PSD3: variants seen among roughly 807,000 people sequenced by gnomAD.
The protein encoded by PSD3 is PH and SEC7 domain-containing protein 3.
In PSD3, 49 loss-of-function variants were observed where a neutral mutation model predicts 105.5. That is an observed-to-expected ratio of 0.46 (90% CI 0.37 to 0.59). The LOEUF is 0.59. Among genes scored for constraint, PSD3 ranks in the 20% least tolerant of loss-of-function variants. PSD3 has a pLI of 0.00. For synonymous variants in PSD3, 557 were observed against 457.8 expected, an observed-to-expected ratio of 1.22 and a Z score of -2.77; for missense variants, 1,561 against 1,263.8, an observed-to-expected ratio of 1.24 and a Z score of -3.57.
chr8:18,548,072 G>A (rs1342297697), intron 15 of PSD3, among the ~76,000 whole-genome samples: 1 of 151,828 alleles, frequency 6.6e-6, no homozygotes, highest in Non-Finnish European at 1.5e-5. Flanking sequence ...TCTTTCTTCT[G>A]CATAAGAAAG....
At chr8:18,638,620 G>A (rs1373027559) in intron 10 of PSD3, among the ~76,000 whole-genome samples, 1 of 151,826 alleles carries the variant, frequency 6.6e-6, no homozygotes, top group Non-Finnish European at 1.5e-5. Flanking sequence ...GTAAAACATT[G>A]AAAAATTCAC....
chr8:18,768,158 C>T (rs1432806614), intron 8 of PSD3, among the ~76,000 whole-genome samples: 3 of 147,094 alleles, frequency 2.0e-5, no homozygotes, highest in Admixed American at 6.8e-5. Context: ...TCATGGCGGG[C>T]GCCTGTAATC....
At chr8:19,054,135 G>A (rs755693052) in intron 1 of PSD3, among the ~76,000 whole-genome samples, 23 of 152,256 alleles carry the variant, frequency 1.5e-4, no homozygotes, top group Non-Finnish European at 2.2e-4. Context: ...TTCTCCTGCC[G>A]CGGGCTTGTT....
At chr8:19,060,082 A>C (rs1828845213) in intron 1 of PSD3, among the ~76,000 whole-genome samples, 3 of 152,238 alleles carry the variant, frequency 2.0e-5, no homozygotes, top group African/African-American at 7.2e-5. Context: ...TTATGTAGGA[A>C]GGGCCCTAAC....
chr8:18,541,819 C>T (rs983898593), intron 15 of PSD3, among the ~76,000 whole-genome samples: 4 of 150,958 alleles, frequency 2.6e-5, no homozygotes, highest in Non-Finnish European at 2.9e-5. Context: ...GGGGCGATCT[C>T]GGCTCACTGC....
chr8:18,918,731 T>C (rs577462291), intron 2 of PSD3, among the ~76,000 whole-genome samples: 6 of 152,292 alleles, frequency 3.9e-5, no homozygotes, highest in African/African-American at 1.4e-4. Context: ...TTTCCAGCTA[T>C]GCAACACAGC....
chr8:18,797,511 G>T (rs1586031392), intron 8 of PSD3, among the ~76,000 whole-genome samples: 1 of 152,124 alleles, frequency 6.6e-6, no homozygotes, highest in Non-Finnish European at 1.5e-5. Flanking sequence ...TAGATTTGCA[G>T]CTCTAAACCT....
chr8:18,752,508 A>ATAATATATG lies in PSD3; in HGVS notation c.2172+12932_2172+12940dup, dbSNP rs1805596698. On this transcript the variant is annotated intron_variant, in intron 9 of 15. Coordinates refer to ENST00000327040, the MANE Select transcript of PSD3 (RefSeq NM_015310.4). ...TATATATATAATATATATAATATAT[A>ATAATATATG]TAATATATGTAATATATATAATTAT... is the stretch of plus-strand genomic sequence containing the variant. 4.2e-5 allele frequency among the ~76,000 whole-genome samples: 3 copies of ATAATATATG among 71,082 alleles called. No individual in the cohort carries two copies. In the Admixed American group the frequency reaches 6.3e-4, roughly 15 times the overall value. 46.6% of individuals were successfully genotyped at this position (71,082 alleles called of 152,430 possible).
In PSD3 at chr8:18,929,159, T is replaced by C. The variant is rs969849318; in HGVS notation, c.130+6875A>G. Among the ~76,000 whole-genome samples the C allele has an allele frequency of 2.6e-5, 4 of 152,158 alleles. No individual in the cohort carries two copies. The East Asian group carries it at 7.7e-4, about 29-fold the overall frequency. ...AAGTATTCAGCCTTCTGGGTCACTATGGCAGACAAGGATACAGATTTGTTT... is the reference window on the plus strand; with the variant it reads ...AAGTATTCAGCCTTCTGGGTCACTACGGCAGACAAGGATACAGATTTGTTT... On this transcript the variant is annotated intron_variant, in intron 2 of 15. Coordinates refer to ENST00000327040, the MANE Select transcript of PSD3 (RefSeq NM_015310.4).
intron 4 of PSD3, among the ~76,000 whole-genome samples, chr8:18,818,886 G>A (rs1812450535): frequency 6.6e-6 from 1 of 151,998 alleles, no homozygotes; most frequent in Non-Finnish European, 1.5e-5. Context: ...GATAAATGGG[G>A]GCAGGTGGGT....
intron 1 of PSD3, among the ~76,000 whole-genome samples, chr8:18,975,013 G>T (rs1029051438): frequency 1.3e-5 from 2 of 152,166 alleles, no homozygotes; most frequent in Non-Finnish European, 2.9e-5. Flanking sequence ...AAGTACCAGA[G>T]TATGAAAAGA....
At chr8:18,688,060 C>T (rs962893151) in intron 9 of PSD3, among the ~76,000 whole-genome samples, 4 of 152,078 alleles carry the variant, frequency 2.6e-5, no homozygotes, top group South Asian at 4.2e-4. Context: ...TGAGCCACTA[C>T]GCTTGGTCTA....
chr8:19,066,448 T>C (rs1829077940), intron 1 of PSD3, among the ~76,000 whole-genome samples: 1 of 152,172 alleles, frequency 6.6e-6, no homozygotes, highest in South Asian at 2.1e-4. Flanking sequence ...GAGCAGAGGG[T>C]CAACCAATAA....
chr8:18,917,577 T>C (rs1404844814), intron 2 of PSD3, among the ~76,000 whole-genome samples: 6 of 152,212 alleles, frequency 3.9e-5, no homozygotes, highest in Non-Finnish European at 8.8e-5. Flanking sequence ...TTAGTTTTGT[T>C]ACACATCCTA....
intron 9 of PSD3, among the ~76,000 whole-genome samples, chr8:18,758,227 G>A (rs1166126510): frequency 6.6e-6 from 1 of 152,106 alleles, no homozygotes; most frequent in Non-Finnish European, 1.5e-5. Context: ...AAGTAAAGAT[G>A]AGAGAGGAGA....
At chr8:18,937,443 C>A (rs1822212844) in intron 1 of PSD3, among the ~76,000 whole-genome samples, 1 of 152,160 alleles carries the variant, frequency 6.6e-6, no homozygotes, top group Admixed American at 6.5e-5. Context: ...GTTAGTATTT[C>A]TATTCTATGC....
chr8:18,730,377 C>T (rs554264927), intron 9 of PSD3: 1 of 152,260 alleles, frequency 6.6e-6, no homozygotes, highest in South Asian at 2.1e-4. Flanking sequence ...CATATACACC[C>T]CACGTTATAA....
intron 2 of PSD3, among the ~76,000 whole-genome samples, chr8:18,925,389 GTA>G (rs34212482): frequency 1.5e-3 from 216 of 147,230 alleles, no homozygotes; most frequent in Middle Eastern, 3.6e-3. Flanking sequence ...ATCTCTAAAA[GTA>G]TATATATATA....
intron 1 of PSD3, among the ~76,000 whole-genome samples, chr8:19,006,634 T>C (rs998515482): frequency 2.0e-5 from 3 of 152,086 alleles, no homozygotes; most frequent in African/African-American, 4.8e-5. Context: ...CTACAGAGTA[T>C]TTGGGGATAA....
Sources: allele counts gnomAD v4.1 joint callset (sites outside exome capture counted in the v4.1 genomes callset), GRCh38; gene constraint gnomAD v4.1.1; transcripts MANE v1.5; gene names NCBI Gene and HGNC (gene_info 2026-07-23, HGNC 2026-07-21).